The following PAX3 variants were observed in gnomAD, a reference collection of about 807,000 sequenced individuals.
PAX3 encodes paired box protein Pax-3.
A neutral mutation model predicts 51.6 loss-of-function variants in PAX3; 14 were observed. That is an observed-to-expected ratio of 0.27 (90% CI 0.18 to 0.42). The LOEUF (loss-of-function observed/expected upper bound fraction) is 0.42. PAX3 is among the 10% of genes least tolerant of loss of function. The pLI, the probability that PAX3 is intolerant of heterozygous loss-of-function variation, is 1.00. For missense variants in PAX3, 540 were observed against 642.8 expected, an observed-to-expected ratio of 0.84 and a Z score of 1.73; for synonymous variants, 280 against 253.4, an observed-to-expected ratio of 1.11 and a Z score of -1.00.
At chr2:222,291,715 C>G (rs1273371109) in intron 4 of PAX3, among the ~76,000 whole-genome samples, 1 of 152,166 alleles carries the variant, frequency 6.6e-6, no homozygotes, top group Non-Finnish European at 1.5e-5. Flanking sequence ...TTTCTTCTCC[C>G]CCTCTGCCAG....
At chr2:222,281,572 G>A (rs1180027144) in intron 4 of PAX3, among the ~76,000 whole-genome samples, 1 of 152,176 alleles carries the variant, frequency 6.6e-6, no homozygotes, top group South Asian at 2.1e-4. Context: ...GGGCCTAGAA[G>A]CAAATTATTT....
chr2:222,287,844 A>C (rs1343617470), intron 4 of PAX3, among the ~76,000 whole-genome samples: 2 of 152,222 alleles, frequency 1.3e-5, no homozygotes, highest in Non-Finnish European at 2.9e-5. Flanking sequence ...CATCTTGCTC[A>C]AGAGTGAACA....
intron 4 of PAX3, among the ~76,000 whole-genome samples, chr2:222,268,138 C>T (rs935796021): frequency 6.6e-6 from 1 of 152,228 alleles, no homozygotes; most frequent in African/African-American, 2.4e-5. Context: ...CAATCTGTAG[C>T]AGCCCATATT....
intron 4 of PAX3, among the ~76,000 whole-genome samples, chr2:222,244,712 A>G (rs1298675020): frequency 6.8e-6 from 1 of 147,706 alleles, no homozygotes; most frequent in Admixed American, 6.9e-5. Context: ...ACCCGCCCAT[A>G]GTCAGACAGT....
Position 222,245,007 on chromosome 2 carries a change from A to G in PAX3, c.587-12724T>C, listed in dbSNP as rs556722709. Reference sequence around the variant, plus strand: ...TAATGAAGATACAAAAATTAGCTGGATATGATGGTGCACACCTGTAATCCC... The same window carrying G: ...TAATGAAGATACAAAAATTAGCTGGGTATGATGGTGCACACCTGTAATCCC... On this transcript the variant is annotated intron_variant, in intron 4 of 8. Coordinates refer to ENST00000392070, the MANE Select transcript of PAX3 (RefSeq NM_181458.4). 7.9e-5 allele frequency among the ~76,000 whole-genome samples: 12 copies of G among 152,092 alleles called. No homozygotes were observed. In the South Asian group the frequency reaches 2.5e-3, roughly 32 times the overall value.
At chr2:222,269,909 T>C (rs543537130) in intron 4 of PAX3, among the ~76,000 whole-genome samples, 2 of 152,364 alleles carry the variant, frequency 1.3e-5, no homozygotes, top group East Asian at 3.9e-4. Flanking sequence ...CATTTGTGCT[T>C]AAACACTTAA....
chr2:222,260,013 C>T lies in PAX3; in HGVS notation c.587-27730G>A, dbSNP rs180751931. Among the ~76,000 whole-genome samples, 276 of 152,218 alleles carry T rather than the reference C, an allele frequency of 1.8e-3. 2 individuals are homozygous for T. The highest frequency in any genetic ancestry group is 0.011 in the South Asian group (54 of 4,814). ...CCTCCAGAGTAGCTGGGACTATAGG[C>T]ACACACCACCGGGCCTGGATAATTT... On this transcript the variant is annotated intron_variant, in intron 4 of 8. Coordinates refer to ENST00000392070, the MANE Select transcript of PAX3 (RefSeq NM_181458.4).
At chr2:222,281,862 T>C (rs1039979307) in intron 4 of PAX3, among the ~76,000 whole-genome samples, 2 of 152,124 alleles carry the variant, frequency 1.3e-5, no homozygotes, top group African/African-American at 4.8e-5. Flanking sequence ...TAGATTTCCA[T>C]AGGCAAGTCA....
At chr2:222,293,485 C>G (rs2106194987) in intron 4 of PAX3, 1 of 703,770 alleles carries the variant, frequency 1.4e-6, no homozygotes. Flanking sequence ...GAATGGGGAT[C>G]TGTACCCCTA....
At position 222,296,971 on chromosome 2, in the gene PAX3, C is replaced by T. The variant is rs999849032; in HGVS notation, c.321+7G>A. 4 of 1,608,804 alleles carry T rather than the reference C, an allele frequency of 2.5e-6. No homozygotes were observed. The highest frequency in any genetic ancestry group is 3.4e-6 in the Non-Finnish European group (4 of 1,177,080). On this transcript the variant is annotated splice_region_variant and intron_variant, in intron 2 of 8. Transcript: ENST00000392070. ...GGGAGCCAGGAGGGCAAGGCCCGCC[C>T]GCTCACCTTGGGCTTGCTGCCGCCG...
intron 4 of PAX3, chr2:222,293,834 G>A: frequency 6.2e-7 from 1 of 1,613,546 alleles, no homozygotes; most frequent in Non-Finnish European, 8.5e-7. Context: ...GCTCAGAGAT[G>A]CCCAGTCTCA....
intron 4 of PAX3, among the ~76,000 whole-genome samples, chr2:222,238,985 T>C (rs889697397): frequency 1.1e-4 from 17 of 152,208 alleles, no homozygotes; most frequent in Admixed American, 3.9e-4. Context: ...TGATCTGAAG[T>C]AGCCCTTTTA....
intron 4 of PAX3, among the ~76,000 whole-genome samples, chr2:222,253,931 T>C (rs1693537308): frequency 1.3e-5 from 2 of 152,156 alleles, no homozygotes; most frequent in African/African-American, 4.8e-5. Flanking sequence ...GCTGGGAATA[T>C]AGACATGAGC....
chr2:222,294,346 A>C (rs1269956907), intron 3 of PAX3, 45 bp from the exon 4 acceptor site: 3 of 1,610,690 alleles, frequency 1.9e-6, no homozygotes, highest in Non-Finnish European at 2.5e-6. Context: ...CACATGGTTG[A>C]GACAAGCAGG....
intron 4 of PAX3, among the ~76,000 whole-genome samples, chr2:222,239,375 A>G (rs1347795211): frequency 6.6e-6 from 1 of 151,960 alleles, no homozygotes; most frequent in Non-Finnish European, 1.5e-5. Context: ...AAATGGATAC[A>G]CAGTAGGGGT....
intron 7 of PAX3, among the ~76,000 whole-genome samples, chr2:222,215,359 G>A (rs140098802): frequency 1.3e-5 from 2 of 152,274 alleles, no homozygotes; most frequent in Admixed American, 1.3e-4. Flanking sequence ...ATGCAGCCAA[G>A]TTGGCCCATT....
intron 7 of PAX3, among the ~76,000 whole-genome samples, chr2:222,212,332 A>T (rs1033274546): frequency 6.6e-6 from 1 of 152,160 alleles, no homozygotes; most frequent in Non-Finnish European, 1.5e-5. Context: ...TTCTTTCATT[A>T]GTTCAGTGCT....
At chr2:222,277,330 T>C (rs1234654512) in intron 4 of PAX3, among the ~76,000 whole-genome samples, 1 of 152,194 alleles carries the variant, frequency 6.6e-6, no homozygotes, top group Admixed American at 6.5e-5. Flanking sequence ...TTGAGACTCT[T>C]GAGATCCTCA....
In PAX3 at chr2:222,295,670, A is replaced by G. The variant is rs767988557; in HGVS notation, c.322-13T>C. 6.2e-7 allele frequency: 1 copy of G among 1,613,968 alleles called. No individual in the cohort carries two copies. Among genetic ancestry groups the G allele is most frequent in the South Asian group, 1.1e-5 (1 of 91,078 alleles). Reference sequence around the variant, plus strand: ...GCGTTGTCACCTGCTTTAAGAGAACAGGCGGGCAGGCGTTGGTACCCGGTA... The same window carrying G: ...GCGTTGTCACCTGCTTTAAGAGAACGGGCGGGCAGGCGTTGGTACCCGGTA... On this transcript the variant is annotated splice_polypyrimidine_tract_variant and intron_variant, in intron 2 of 8. Coordinates refer to ENST00000392070, the MANE Select transcript of PAX3 (RefSeq NM_181458.4).
Sources: allele counts gnomAD v4.1 joint callset (sites outside exome capture counted in the v4.1 genomes callset), GRCh38; gene constraint gnomAD v4.1.1; transcripts MANE v1.5; gene names NCBI Gene and HGNC (gene_info 2026-07-23, HGNC 2026-07-21).